TRIM2: variants seen among roughly 807,000 people sequenced by gnomAD.
TRIM2 encodes tripartite motif-containing protein 2.
In TRIM2, 20 loss-of-function variants were observed where a neutral mutation model predicts 75.2. That is an observed-to-expected ratio of 0.27 (90% confidence interval 0.19 to 0.39). TRIM2 has a LOEUF of 0.39. Ranked by LOEUF, TRIM2 falls within the 10% of genes least tolerant of loss-of-function variation. The pLI is 1.00. For missense variants in TRIM2, 660 were observed against 990.8 expected (o/e 0.67, Z 4.48); for synonymous variants, 373 against 388.3 (o/e 0.96, Z 0.46).
Position 153,196,263 on chromosome 4 carries a change from A to AC in TRIM2, c.-49+43002dup, listed in dbSNP as rs113523472. ...AACATGGCAAGACCCCATTCCTACC[A>AC]CCCCCCCCCACACACACACACACAC... is the stretch of plus-strand genomic sequence containing the variant. On this transcript the variant is annotated intron_variant, in intron 1 of 11. Coordinates refer to the TRIM2 transcript ENST00000437508. Among the ~76,000 whole-genome samples the AC allele has an allele frequency of 8.2e-3, 1,115 of 135,546 alleles. 20 individuals carry two copies. The highest frequency in any genetic ancestry group is 0.026 in the African/African-American group (838 of 32,010). 88.9% of individuals were successfully genotyped at this position (135,546 alleles called of 152,430 possible). A position where few individuals can be genotyped will look rare whatever the true frequency, so the allele number is the denominator to read the frequency against.
chr4:153,269,916 T>C (rs1756221579), intron 1 of TRIM2, among the ~76,000 whole-genome samples: 1 of 152,054 alleles, frequency 6.6e-6, no homozygotes. Context: ...CCTTTATTTA[T>C]TTATTTTTTA....
At chr4:153,304,322 C>T (rs926986921) in intron 6 of TRIM2, among the ~76,000 whole-genome samples, 12 of 152,170 alleles carry the variant, frequency 7.9e-5, no homozygotes, top group African/African-American at 2.4e-4. Flanking sequence ...CCATGTTGGC[C>T]AGGCTCGTCT....
intron 1 of TRIM2, among the ~76,000 whole-genome samples, chr4:153,255,227 T>C (rs10033643): frequency 0.63 from 96,108 of 152,130 alleles, 31,232 homozygotes; most frequent in African/African-American, 0.78. Context: ...TTGGAACACA[T>C]GACACTCAAC....
At chr4:153,287,367 A>T (rs1032914994) in intron 3 of TRIM2, among the ~76,000 whole-genome samples, 1 of 152,224 alleles carries the variant, frequency 6.6e-6, no homozygotes, top group Non-Finnish European at 1.5e-5. Flanking sequence ...TTTTCAATCC[A>T]ATCTGCCAGT....
At position 153,289,817 on chromosome 4, in the gene TRIM2, G is replaced by A. The variant is rs184708662; in HGVS notation, c.454-3165G>A. On this transcript the variant is annotated intron_variant, in intron 3 of 11. Coordinates refer to ENST00000338700, the MANE Select transcript of TRIM2 (RefSeq NM_015271.5). ...CTCAGTCCCAGGCTAGATTGGTTTG[G>A]GAAGAGTGCCATTGGATTGACTAAG... Among the ~76,000 whole-genome samples, 473 of 152,270 alleles carry A rather than the reference G, an allele frequency of 3.1e-3. 10 individuals are homozygous for A. Among genetic ancestry groups the A allele is most frequent in the Non-Finnish European group, 1.0e-3 (68 of 68,022 alleles).
intron 1 of TRIM2, among the ~76,000 whole-genome samples, chr4:153,154,157 C>T (rs937272940): frequency 2.6e-5 from 4 of 152,222 alleles, no homozygotes; most frequent in African/African-American, 9.6e-5. Context: ...AGGAGCGTTT[C>T]ACAGAGTCAC....
chr4:153,320,851 C>G (rs1411832680), intron 8 of TRIM2, among the ~76,000 whole-genome samples: 1 of 151,994 alleles, frequency 6.6e-6, no homozygotes, highest in Non-Finnish European at 1.5e-5. Context: ...CAACTGGTCT[C>G]GAACTCCTGA....
chr4:153,153,422 G>C (rs999518201), intron 1 of TRIM2, among the ~76,000 whole-genome samples: 1 of 151,930 alleles, frequency 6.6e-6, no homozygotes, highest in Non-Finnish European at 1.5e-5. Flanking sequence ...GCCACGCCTC[G>C]TCTGGAGGTG....
intron 6 of TRIM2, chr4:153,308,526 G>T: frequency 1.3e-6 from 1 of 748,074 alleles, no homozygotes; most frequent in Middle Eastern, 2.4e-4. Context: ...GTTCCTTTTT[G>T]GTCCTTCTCT....
intron 1 of TRIM2, among the ~76,000 whole-genome samples, chr4:153,186,497 G>A (rs1482644252): frequency 2.0e-5 from 3 of 152,194 alleles, no homozygotes; most frequent in Non-Finnish European, 2.9e-5. Flanking sequence ...CTCTTAAGGA[G>A]CTGTACAAGG....
intron 1 of TRIM2, among the ~76,000 whole-genome samples, chr4:153,198,983 G>A (rs564393228): frequency 2.6e-5 from 4 of 152,260 alleles, no homozygotes; most frequent in African/African-American, 7.2e-5. Flanking sequence ...CTAATGGTTC[G>A]AAATTTAGAA....
At chr4:153,202,245 T>C (rs1235693590), upstream of TRIM2, among the ~76,000 whole-genome samples, 1 of 152,264 alleles carries the variant, frequency 6.6e-6, no homozygotes, top group Non-Finnish European at 1.5e-5. Context: ...AACTACTGTG[T>C]TCATTTTGAT....
At chr4:153,249,836 A>G (rs764562315) in intron 1 of TRIM2, among the ~76,000 whole-genome samples, 11 of 152,194 alleles carry the variant, frequency 7.2e-5, no homozygotes, top group Non-Finnish European at 1.5e-4. Flanking sequence ...GAAAAACAAT[A>G]CTTGATACCG....
chr4:153,239,351 CAA>C (rs370599567), intron 1 of TRIM2, among the ~76,000 whole-genome samples: 38,744 of 107,214 alleles, frequency 0.36, 6,959 homozygotes, highest in African/African-American at 0.57. Context: ...GACTCCGTCT[CAA>C]AAAAAAAAAA....
upstream of TRIM2, among the ~76,000 whole-genome samples, chr4:153,200,728 T>A (rs58676832): frequency 0.1 from 13,238 of 131,470 alleles, 741 homozygotes; most frequent in African/African-American, 0.18. Flanking sequence ...AAAAAAAATA[T>A]ATATATATAT....
chr4:153,260,700 C>CACA (rs1301070288), intron 1 of TRIM2, among the ~76,000 whole-genome samples: 21 of 67,898 alleles, frequency 3.1e-4, no homozygotes, highest in South Asian at 1.8e-3. Context: ...ACCCCCCCCC[C>CACA]CACACACACA....
At chr4:153,210,423 T>C (rs1179321786) in intron 1 of TRIM2, among the ~76,000 whole-genome samples, 1 of 152,218 alleles carries the variant, frequency 6.6e-6, no homozygotes, top group Admixed American at 6.5e-5. Flanking sequence ...GGAGTCTCTT[T>C]CGCAGCAAAA....
intron 1 of TRIM2, among the ~76,000 whole-genome samples, chr4:153,171,723 A>G (rs1015233681): frequency 2.6e-5 from 4 of 152,134 alleles, no homozygotes; most frequent in African/African-American, 9.7e-5. Context: ...AAATTACACA[A>G]AAGTAGAAAG....
intron 1 of TRIM2, among the ~76,000 whole-genome samples, chr4:153,199,422 C>T (rs370715774): frequency 2.0e-5 from 3 of 152,118 alleles, no homozygotes; most frequent in East Asian, 3.8e-4. Context: ...ATCTGCAGGT[C>T]ATTATATACC....
Sources: gnomAD v4.1 joint callset for allele counts (sites outside exome capture counted in the v4.1 genomes callset) on GRCh38, gnomAD v4.1.1 for gene constraint, MANE v1.5 for transcripts, NCBI Gene and HGNC (gene_info 2026-07-23, HGNC 2026-07-21) for gene names.